Variants in CFAP157 observed in about 807,000 individuals in gnomAD.
The protein encoded by CFAP157 is cilia- and flagella-associated protein 157.
In CFAP157, 43 loss-of-function variants were observed where a neutral mutation model predicts 57.8. The ratio of observed to expected loss-of-function variants is 0.74; its 90% confidence interval spans 0.58 to 0.96. The LOEUF (loss-of-function observed/expected upper bound fraction) is 0.96. CFAP157 is among the 40% of genes least tolerant of loss of function. The pLI is 0.00. For synonymous variants in CFAP157, 267 were observed against 269.0 expected (o/e 0.99, Z 0.07); for missense variants, 606 against 655.3 (o/e 0.92, Z 0.82).
chr9:127,707,133 C>T lies in CFAP157; in HGVS notation c.102C>T (p.Ala34=). Residue 34 remains alanine, a synonymous_variant, in exon 1 of 9, where the codon GCC becomes GCT. Coordinates refer to ENST00000373295, the MANE Select transcript of CFAP157 (RefSeq NM_001012502.3). ...TGGTGGCCGTGGAGCCGCCTCTGGC[C>T]AAGGAGATGAAGGAGTTCTACCACA... ...EPVVAVEPPL[A]KEMKEFYHIQ... 3.1e-6 allele frequency: 5 copies of T among 1,613,804 alleles called. No homozygotes were observed. The highest frequency in any genetic ancestry group is 4.2e-6 in the Non-Finnish European group (5 of 1,180,002).
At chr9:127,711,660 C>T (rs1312524802) in intron 4 of CFAP157, among the ~76,000 whole-genome samples, 160 bp from the exon 5 acceptor site, 1 of 152,162 alleles carries the variant, frequency 6.6e-6, no homozygotes, top group Non-Finnish European at 1.5e-5. Context: ...GGCCTAGCTC[C>T]GGATTGTATT....
intron 6 of CFAP157, 136 bp from the exon 7 acceptor site, chr9:127,712,573 T>C: frequency 6.4e-7 from 1 of 1,555,636 alleles, no homozygotes; most frequent in Middle Eastern, 1.7e-4. Flanking sequence ...GGCCTCAGTC[T>C]TCCCGACTGA....
In CFAP157 at chr9:127,715,646, CCCAT is replaced by C. The variant is rs950202064; in HGVS notation, c.*1742_*1745del. The C allele has an allele frequency of 1.9e-6, 3 of 1,610,522 alleles. No homozygotes were observed. Among genetic ancestry groups the C allele is most frequent in the Non-Finnish European group, 2.5e-6 (3 of 1,179,542 alleles). ...AAAAGCCGCCCGGCCTCATGCTGCC[CCCAT>C]TCACTCCGACACCGCCCCCTGACGT... On this transcript the variant is annotated 3_prime_UTR_variant, in exon 9 of 9. Transcript: ENST00000373295. This position sits in a 1 kb window ranked among gnomAD's most constrained non-coding sequence, Gnocchi z 5.8.
Position 127,713,065 on chromosome 9 carries a change from G to A in CFAP157, c.1350G>A (p.Gln450=). 1 of 1,613,958 alleles carries A rather than the reference G, an allele frequency of 6.2e-7. No homozygotes were observed. Among genetic ancestry groups the A allele is most frequent in the Non-Finnish European group, 8.5e-7 (1 of 1,179,952 alleles). The stretch of plus-strand genomic sequence containing the variant: ...CCAGGACTGGGTCTCTGCTGCCGCA[G>A]CTCTCTGACATCACCCCCTACCAGC... ...QLPRTGSLLP[Q]LSDITPYQPG... Residue 450 remains glutamine, a synonymous_variant, in exon 8 of 9, where the codon CAG becomes CAA. Transcript: ENST00000373295.
intron 5 of CFAP157, 103 bp from the exon 6 acceptor site, chr9:127,712,096 G>C: frequency 6.6e-7 from 1 of 1,522,966 alleles, no homozygotes; most frequent in African/African-American, 1.4e-5. Flanking sequence ...GGCGGGATGG[G>C]GGCCCCTGTG....
intron 8 of CFAP157, chr9:127,713,448 A>G (rs985950860): frequency 1.6e-4 from 73 of 456,252 alleles, no homozygotes; most frequent in Middle Eastern, 5.6e-4. Flanking sequence ...CAGCAGGGAA[A>G]GAGTGGGATC....
chr9:127,711,116 G>C, intron 3 of CFAP157, 113 bp from the exon 4 acceptor site: 1 of 1,342,988 alleles, frequency 7.4e-7, no homozygotes, highest in South Asian at 1.5e-5. Flanking sequence ...CTCCCAGGGA[G>C]AGAGCATGCT....
In CFAP157 at chr9:127,709,395, T is replaced by C. The variant is rs371617982; in HGVS notation, c.162-27T>C. Reference sequence around the variant, plus strand: ...GGCCTGGCTTGCCCAGCCTGACCCCTGGACCACGGCTCTGCCCCTGCCCCA... The same window carrying C: ...GGCCTGGCTTGCCCAGCCTGACCCCCGGACCACGGCTCTGCCCCTGCCCCA... On this transcript the variant is annotated intron_variant, in intron 1 of 8. Coordinates refer to ENST00000373295, the MANE Select transcript of CFAP157 (RefSeq NM_001012502.3). The surrounding 1 kb of genome is among the most constrained non-coding windows in gnomAD (Gnocchi z 4.7). 207 of 1,607,308 alleles carry C rather than the reference T, an allele frequency of 1.3e-4. No homozygotes were observed. The African/African-American group carries it at 2.2e-3, about 17-fold the overall frequency.
In CFAP157 at chr9:127,714,067, C is replaced by T. The variant is rs754570027; in HGVS notation, c.*162C>T. The T allele has an allele frequency of 1.9e-6, 3 of 1,605,556 alleles. No homozygotes were observed. The highest frequency in any genetic ancestry group is 2.2e-5 in the East Asian group (1 of 44,548). On this transcript the variant is annotated 3_prime_UTR_variant, in exon 9 of 9. Coordinates refer to ENST00000373295, the MANE Select transcript of CFAP157 (RefSeq NM_001012502.3). Reference sequence around the variant, plus strand: ...GTGGCAGTGGCTGGGTTGGTGGGCACTACAGTCAGGCAGGCAGCCATGGCC... The same window carrying T: ...GTGGCAGTGGCTGGGTTGGTGGGCATTACAGTCAGGCAGGCAGCCATGGCC...
rs1842657864 is a variant in CFAP157 at position 127,707,054 on chromosome 9, G to A, written c.23G>A (p.Ser8Asn). 20 of 1,613,984 alleles carry A rather than the reference G, an allele frequency of 1.2e-5. No individual in the cohort carries two copies. Among genetic ancestry groups the A allele is most frequent in the Non-Finnish European group, 1.6e-5 (19 of 1,180,000 alleles). Residue 8 changes from serine to asparagine, a missense_variant, in exon 1 of 9, where the codon AGC becomes AAC. By Grantham distance (46) the Ser-to-Asn change is conservative (BLOSUM62 1). Transcript: ENST00000373295. ...GCCATGGCTCCCAAAAAGAGTGTGA[G>A]CAAGGCAGGCAAGGAGCTTGAAGTC... is the stretch of plus-strand genomic sequence containing the variant. MAPKKSVSKAGKELEVKK... is the reference protein window; with the variant it reads MAPKKSVNKAGKELEVKK...
At chr9:127,712,472 A>T in intron 6 of CFAP157, 123 bp downstream of exon 6, 1 of 1,467,958 alleles carries the variant, frequency 6.8e-7, no homozygotes, top group Non-Finnish European at 9.1e-7. Flanking sequence ...AGACTCCTGG[A>T]AAGTCTGTCC....
intron 8 of CFAP157, chr9:127,713,460 C>T (rs1216233765): frequency 4.2e-6 from 2 of 475,574 alleles, no homozygotes; most frequent in African/African-American, 2.0e-5. Context: ...AGTGGGATCC[C>T]CCTGAAGAGG....
chr9:127,713,322 C>A lies in CFAP157; in HGVS notation c.1491+116C>A, dbSNP rs1250442837. Reference sequence around the variant, plus strand: ...GGGGATGTAACCAGATCTCTCTGAGCCTTCCCATCTGTAAAATGGGCTGAA... The same window carrying A: ...GGGGATGTAACCAGATCTCTCTGAGACTTCCCATCTGTAAAATGGGCTGAA... On this transcript the variant is annotated intron_variant, in intron 8 of 8. Transcript: ENST00000373295. 6.3e-6 allele frequency: 5 copies of A among 795,792 alleles called. No homozygotes were observed. The African/African-American group carries it at 7.0e-5, about 11-fold the overall frequency. The allele number at this position is 795,792 out of a possible 1,614,324, so 49.3% of individuals were successfully genotyped here.
intron 1 of CFAP157, among the ~76,000 whole-genome samples, 156 bp downstream of exon 1, chr9:127,707,348 C>G (rs905741190): frequency 6.6e-6 from 1 of 152,216 alleles, no homozygotes; most frequent in African/African-American, 2.4e-5. Flanking sequence ...TTTCCTCATA[C>G]GTACCTTTGG....
chr9:127,713,705 C>A (rs1842824833), intron 8 of CFAP157, 129 bp from the exon 9 acceptor site: 2 of 688,286 alleles, frequency 2.9e-6, no homozygotes, highest in South Asian at 1.6e-5. Flanking sequence ...CAGGGTTTCA[C>A]CATGTTGGCC....
chr9:127,713,663 T>A (rs377039987), intron 8 of CFAP157, 171 bp from the exon 9 acceptor site: 1 of 525,712 alleles, frequency 1.9e-6, no homozygotes, highest in Admixed American at 3.0e-5. Flanking sequence ...TGCACCACCA[T>A]GCCTGGCTAC....
Position 127,714,107 on chromosome 9 carries a change from C to A in CFAP157, c.*202C>A, listed in dbSNP as rs764224561. 2 of 1,612,594 alleles carry A rather than the reference C, an allele frequency of 1.2e-6. No homozygotes were observed. Among genetic ancestry groups the A allele is most frequent in the Admixed American group, 3.3e-5 (2 of 59,828 alleles). On this transcript the variant is annotated 3_prime_UTR_variant, in exon 9 of 9. Coordinates refer to ENST00000373295, the MANE Select transcript of CFAP157 (RefSeq NM_001012502.3). The stretch of plus-strand genomic sequence containing the variant: ...CAGCCATGGCCACTAGTGTCACGGC[C>A]CCAGTGAGGGCCCCTGGCTTCGCTC...
rs56113035 is a variant in CFAP157, at chr9:127,709,262, C to T, written c.162-160C>T. Among the ~76,000 whole-genome samples the T allele has an allele frequency of 1.1e-3, 167 of 152,280 alleles. 1 individual carries two copies. Among genetic ancestry groups the T allele is most frequent in the Non-Finnish European group, 2.0e-3 (135 of 68,018 alleles). Reference sequence around the variant, plus strand: ...AGGCATTGGCTGTGGTCATGACTGTCGGACCAAGGGGCATAGTGGGAGATG... The same window carrying T: ...AGGCATTGGCTGTGGTCATGACTGTTGGACCAAGGGGCATAGTGGGAGATG... On this transcript the variant is annotated intron_variant, in intron 1 of 8. Transcript: ENST00000373295. This position sits in a 1 kb window ranked among gnomAD's most constrained non-coding sequence, Gnocchi z 4.7.
Position 127,709,137 on chromosome 9 carries a change from G to C in CFAP157, c.162-285G>C, listed in dbSNP as rs1842707554. 6.6e-6 allele frequency among the ~76,000 whole-genome samples: 1 copy of C among 152,248 alleles called. No individual in the cohort carries two copies. The highest frequency in any genetic ancestry group is 1.5e-5 in the Non-Finnish European group (1 of 68,048). ...CAAACACACTGCACACCTGCTATCT[G>C]CCAGGCACAGGTGTTGGGGACATAC... On this transcript the variant is annotated intron_variant, in intron 1 of 8. Transcript: ENST00000373295. This position sits in a 1 kb window ranked among gnomAD's most constrained non-coding sequence, Gnocchi z 4.7.
Sources: gnomAD v4.1 joint callset for allele counts (sites outside exome capture counted in the v4.1 genomes callset) on GRCh38, gnomAD v4.1.1 for gene constraint, Gnocchi (gnomAD v3.1) non-coding constraint, MANE v1.5 for transcripts, NCBI Gene and HGNC (gene_info 2026-07-23, HGNC 2026-07-21) for gene names.